BRINP3: variants seen among roughly 807,000 people sequenced by gnomAD.
BRINP3 encodes BMP/retinoic acid-inducible neural-specific protein 3.
In BRINP3, 19 loss-of-function variants were observed where a neutral mutation model predicts 71.0. That is an observed-to-expected ratio of 0.27 (90% CI 0.19 to 0.39). The LOEUF is 0.39. Among genes scored for constraint, BRINP3 ranks in the 10% least tolerant of loss-of-function variants. The pLI is 1.00. For missense variants in BRINP3, 959 were observed against 940.8 expected (o/e 1.02, Z -0.25); for synonymous variants, 380 against 337.7 (o/e 1.13, Z -1.37).
intron 1 of BRINP3, among the ~76,000 whole-genome samples, chr1:190,466,245 C>A (rs1676737960): frequency 1.3e-5 from 2 of 151,220 alleles, no homozygotes; most frequent in Non-Finnish European, 3.0e-5. Context: ...CTAATATAAT[C>A]TAAGAACAAT....
At chr1:190,277,123 A>ATATATATATATATATATAT in intron 3 of BRINP3, among the ~76,000 whole-genome samples, 1 of 134,692 alleles carries the variant, frequency 7.4e-6, no homozygotes, top group South Asian at 2.3e-4. Context: ...ATATATTTAT[A>ATATATATATATATATATAT]TTCAGAAAAG....
chr1:190,401,651 A>G (rs556542243), intron 2 of BRINP3, among the ~76,000 whole-genome samples: 4 of 152,210 alleles, frequency 2.6e-5, no homozygotes, highest in African/African-American at 9.6e-5. Flanking sequence ...GACTTTCTCA[A>G]GTCCATCAAA....
intron 2 of BRINP3, among the ~76,000 whole-genome samples, chr1:190,357,723 G>A (rs1668830849): frequency 6.6e-6 from 1 of 151,908 alleles, no homozygotes; most frequent in African/African-American, 2.4e-5. Flanking sequence ...TTGGTAGCTT[G>A]ATGGGGATGG....
intron 7 of BRINP3, among the ~76,000 whole-genome samples, chr1:190,099,806 G>A (rs1651538477): frequency 6.6e-6 from 1 of 152,138 alleles, no homozygotes; most frequent in African/African-American, 2.4e-5. Context: ...AAATCAACAA[G>A]CTCCTTCAAT....
intron 7 of BRINP3, among the ~76,000 whole-genome samples, chr1:190,121,570 G>T (rs1418036538): frequency 2.0e-5 from 3 of 152,036 alleles, no homozygotes; most frequent in African/African-American, 7.2e-5. Context: ...TTATTACCTT[G>T]GTTCTCCTAT....
At chr1:190,405,098 A>C (rs1404352864) in intron 2 of BRINP3, among the ~76,000 whole-genome samples, 1 of 152,146 alleles carries the variant, frequency 6.6e-6, no homozygotes, top group Non-Finnish European at 1.5e-5. Flanking sequence ...CATTTTCTGA[A>C]TCTTAGGATT....
intron 7 of BRINP3, among the ~76,000 whole-genome samples, chr1:190,151,156 G>A (rs969399253): frequency 6.6e-6 from 1 of 151,526 alleles, no homozygotes. Context: ...CAAAAAAAAA[G>A]AAAAAAGAAA....
intron 6 of BRINP3, among the ~76,000 whole-genome samples, chr1:190,193,676 A>T (rs1654240533): frequency 6.6e-6 from 1 of 151,684 alleles, no homozygotes; most frequent in Non-Finnish European, 1.5e-5. Flanking sequence ...ATGATTATAA[A>T]CTCCTGACCT....
intron 7 of BRINP3, among the ~76,000 whole-genome samples, chr1:190,134,051 G>A (rs1184841975): frequency 1.3e-5 from 2 of 151,958 alleles, no homozygotes; most frequent in African/African-American, 4.8e-5. Flanking sequence ...GTCCCACTGG[G>A]GCTTTCATTC....
intron 6 of BRINP3, among the ~76,000 whole-genome samples, chr1:190,211,360 T>C (rs375237086): frequency 2.0e-5 from 3 of 151,934 alleles, no homozygotes; most frequent in African/African-American, 7.2e-5. Context: ...ATAATACAGG[T>C]AGTATTTTTG....
intron 7 of BRINP3, among the ~76,000 whole-genome samples, chr1:190,148,017 T>C (rs907990725): frequency 3.3e-5 from 5 of 152,204 alleles, no homozygotes; most frequent in African/African-American, 1.2e-4. Context: ...ACACAATAAG[T>C]AGGCTTTAAA....
chr1:190,136,446 T>C (rs960438091), intron 7 of BRINP3, among the ~76,000 whole-genome samples: 4 of 152,130 alleles, frequency 2.6e-5, no homozygotes, highest in African/African-American at 9.6e-5. Flanking sequence ...TTCTTTTCTA[T>C]TCCCATTAGC....
chr1:190,196,180 C>T (rs1034404526), intron 6 of BRINP3, among the ~76,000 whole-genome samples: 10 of 152,256 alleles, frequency 6.6e-5, no homozygotes, highest in African/African-American at 2.4e-4. Flanking sequence ...TTCCAGGTCT[C>T]AGTTATGCTT....
intron 6 of BRINP3, among the ~76,000 whole-genome samples, chr1:190,165,417 A>G (rs577953096): frequency 6.3e-5 from 9 of 142,776 alleles, no homozygotes; most frequent in Admixed American, 3.6e-4. Flanking sequence ...ATGAACACAT[A>G]GCAAGTATGC....
At chr1:190,429,536 C>A (rs993172801) in intron 2 of BRINP3, among the ~76,000 whole-genome samples, 1 of 150,898 alleles carries the variant, frequency 6.6e-6, no homozygotes. Flanking sequence ...AAATATTATT[C>A]TAATTGTATC....
chr1:190,157,911 C>G (rs1379307578), intron 7 of BRINP3, among the ~76,000 whole-genome samples: 2 of 152,034 alleles, frequency 1.3e-5, no homozygotes, highest in African/African-American at 4.8e-5. Flanking sequence ...ATGGTACATA[C>G]ATGCCATGGA....
chr1:190,177,150 CTTTTTTTTTTTTTTTTTTTT>C (rs1030190199), intron 6 of BRINP3, among the ~76,000 whole-genome samples: 1 of 63,212 alleles, frequency 1.6e-5, no homozygotes, highest in Admixed American at 1.8e-4. Flanking sequence ...GCACCCACTT[CTTTTTTTTTTTTTTTTTTTT>C]TTTTTTTTTT....
At chr1:190,308,167 T>C (rs757649991) in intron 2 of BRINP3, among the ~76,000 whole-genome samples, 10 of 150,298 alleles carry the variant, frequency 6.7e-5, no homozygotes, top group Non-Finnish European at 1.3e-4. Context: ...AACGTAGACA[T>C]AATTTTGCTT....
intron 5 of BRINP3, among the ~76,000 whole-genome samples, chr1:190,233,131 T>G (rs1007927917): frequency 2.0e-5 from 3 of 152,040 alleles, no homozygotes; most frequent in African/African-American, 7.2e-5. Flanking sequence ...TTTTTTTAAT[T>G]TTTTAGAGAC....
Sources: allele counts gnomAD v4.1 joint callset (sites outside exome capture counted in the v4.1 genomes callset), GRCh38; gene constraint gnomAD v4.1.1; transcripts MANE v1.5; gene names NCBI Gene and HGNC (gene_info 2026-07-23, HGNC 2026-07-21).